MGST2: variants seen among roughly 807,000 people sequenced by gnomAD.
MGST2 encodes microsomal glutathione S-transferase 2, also known as glutathione peroxidase MGST2.
In MGST2, 9 loss-of-function variants were observed where a neutral mutation model predicts 16.6. The ratio of observed to expected loss-of-function variants is 0.54; its 90% CI spans 0.33 to 0.95. The LOEUF is 0.95. MGST2 is among the 40% of genes least tolerant of loss of function. The pLI, the probability that MGST2 is intolerant of heterozygous loss-of-function variation, is 0.03. For missense variants in MGST2, 159 were observed against 175.1 expected, an observed-to-expected ratio of 0.91 and a Z score of 0.52; for synonymous variants, 79 against 68.0, an observed-to-expected ratio of 1.16 and a Z score of -0.79.
At chr4:139,666,539 G>A (rs893024325) in intron 1 of MGST2, among the ~76,000 whole-genome samples, 1 of 152,088 alleles carries the variant, frequency 6.6e-6, no homozygotes, top group Non-Finnish European at 1.5e-5. Context: ...ACTGCCTATG[G>A]TGGTATGATT....
chr4:139,719,255 A>C, intron 5 of MGST2: 1 of 1,495,554 alleles, frequency 6.7e-7, no homozygotes. Flanking sequence ...GGATGGGTCA[A>C]CATCCTGTTT....
chr4:139,716,548 C>T (rs988507041), intron 5 of MGST2, among the ~76,000 whole-genome samples: 9 of 143,076 alleles, frequency 6.3e-5, no homozygotes, highest in Non-Finnish European at 1.1e-4. Flanking sequence ...CTTCAGAGTG[C>T]GGCAGTAAAT....
chr4:139,670,250 G>T (rs1730603059), intron 1 of MGST2, among the ~76,000 whole-genome samples: 1 of 75,392 alleles, frequency 1.3e-5, no homozygotes, highest in Admixed American at 1.2e-4. Flanking sequence ...ATTTCCTTCG[G>T]TGGGGGGCGG....
chr4:139,676,511 G>GCC (rs1254574038), intron 1 of MGST2, among the ~76,000 whole-genome samples: 1 of 152,194 alleles, frequency 6.6e-6, no homozygotes, highest in East Asian at 1.9e-4. Flanking sequence ...GGAGGCAGAA[G>GCC]TCCTTTCTCT....
At chr4:139,738,412 G>A (rs757872335) in intron 5 of MGST2, among the ~76,000 whole-genome samples, 13 of 152,256 alleles carry the variant, frequency 8.5e-5, no homozygotes, top group Admixed American at 2.6e-4. Context: ...GCTTGGTGGC[G>A]TGTGCCTGTA....
At chr4:139,705,965 C>T (rs1341868110), downstream of MGST2, among the ~76,000 whole-genome samples, 2 of 152,144 alleles carry the variant, frequency 1.3e-5, no homozygotes, top group East Asian at 3.8e-4. Context: ...TATGAGCATA[C>T]ATAACACATT....
intron 5 of MGST2, chr4:139,720,227 A>G (rs374257274): frequency 6.7e-5 from 108 of 1,612,326 alleles, no homozygotes; most frequent in African/African-American, 5.3e-4. Context: ...GGAGGGTCCT[A>G]TTCCCATCAT....
downstream of MGST2, among the ~76,000 whole-genome samples, chr4:139,745,708 C>T (rs1729297712): frequency 6.6e-6 from 1 of 152,170 alleles, no homozygotes. Context: ...AAAAATAATG[C>T]TAGTTTTTCT....
At chr4:139,732,338 T>C (rs535727619) in intron 5 of MGST2, among the ~76,000 whole-genome samples, 4 of 152,280 alleles carry the variant, frequency 2.6e-5, no homozygotes, top group Non-Finnish European at 5.9e-5. Context: ...TTCTGTGGTG[T>C]GCTGTAGAAC....
At chr4:139,667,861 A>AG (rs147396328) in intron 1 of MGST2, among the ~76,000 whole-genome samples, 9 of 151,744 alleles carry the variant, frequency 5.9e-5, no homozygotes, top group Non-Finnish European at 1.0e-4. Flanking sequence ...CATCTCAAAG[A>AG]AAAAAAAAAG....
downstream of MGST2, among the ~76,000 whole-genome samples, chr4:139,741,895 C>G (rs4561878): frequency 0.84 from 127,687 of 151,848 alleles, 54,340 homozygotes; most frequent in Non-Finnish European, 0.92. Flanking sequence ...TTAAAACGCC[C>G]TATTGTCATT....
chr4:139,737,165 G>A (rs1163037900), intron 5 of MGST2, among the ~76,000 whole-genome samples: 2 of 152,216 alleles, frequency 1.3e-5, no homozygotes, highest in East Asian at 3.9e-4. Flanking sequence ...CGTGTAATAA[G>A]GTGAACTATG....
At chr4:139,748,525 T>C in the MGST2 span, among the ~76,000 whole-genome samples, 1 of 151,888 alleles carries the variant, frequency 6.6e-6, no homozygotes, top group African/African-American at 2.4e-5. Context: ...TGAGTAAAAC[T>C]GAAGGAGCAG....
At chr4:139,684,848 C>T (rs950887247) in intron 2 of MGST2, among the ~76,000 whole-genome samples, 1 of 152,144 alleles carries the variant, frequency 6.6e-6, no homozygotes, top group African/African-American at 2.4e-5. Flanking sequence ...CCTGAAGTCC[C>T]TAACAGTCTC....
At chr4:139,754,550 A>G in the MGST2 span, among the ~76,000 whole-genome samples, 2 of 152,236 alleles carry the variant, frequency 1.3e-5, no homozygotes, top group African/African-American at 4.8e-5. Context: ...GCTGAAATGA[A>G]CATTCTTGTA....
chr4:139,681,394 C>T (rs1167317782), intron 2 of MGST2, among the ~76,000 whole-genome samples: 1 of 152,140 alleles, frequency 6.6e-6, no homozygotes, highest in Non-Finnish European at 1.5e-5. Flanking sequence ...TCTTAAAACG[C>T]ATACTAGTTG....
At chr4:139,691,136 C>G (rs8192088) in intron 2 of MGST2, among the ~76,000 whole-genome samples, 2,420 of 152,254 alleles carry the variant, frequency 0.016, 69 homozygotes, top group African/African-American at 0.055. Flanking sequence ...GTATACACAG[C>G]CTGTTTTCCC....
chr4:139,699,174 CTT>C (rs1727105049), intron 3 of MGST2, among the ~76,000 whole-genome samples: 1 of 152,250 alleles, frequency 6.6e-6, no homozygotes, highest in Non-Finnish European at 1.5e-5. Flanking sequence ...ACTTGCAACA[CTT>C]GAGCTCACTG....
chr4:139,753,089 A>C, the MGST2 span, among the ~76,000 whole-genome samples: 1 of 152,216 alleles, frequency 6.6e-6, no homozygotes, highest in African/African-American at 2.4e-5. Flanking sequence ...AGTGAAAAAC[A>C]GATTTGTAGA....
Sources: allele counts gnomAD v4.1 joint callset (sites outside exome capture counted in the v4.1 genomes callset), GRCh38; gene constraint gnomAD v4.1.1; transcripts MANE v1.5; gene names NCBI Gene and HGNC (gene_info 2026-07-23, HGNC 2026-07-21).